Variants in SGCZ observed in about 807,000 individuals in gnomAD.
SGCZ encodes zeta-sarcoglycan.
In SGCZ, 40 loss-of-function variants were observed where a neutral mutation model predicts 41.3. The ratio of observed to expected loss-of-function variants is 0.97; its 90% confidence interval spans 0.75 to 1.26. The LOEUF (loss-of-function observed/expected upper bound fraction) is 1.26. Ranked by LOEUF, SGCZ falls within the 50% of genes most tolerant of loss-of-function variation. The probability of loss-of-function intolerance (pLI) is 0.00; values close to 1 mark genes in which losing one functional copy is unlikely to be tolerated. For missense variants in SGCZ, 552 were observed against 369.8 expected (o/e 1.49, Z -4.04); for synonymous variants, 206 against 137.5 (o/e 1.50, Z -3.49).
intron 1 of SGCZ, among the ~76,000 whole-genome samples, chr8:14,734,733 G>C (rs1235770405): frequency 6.6e-6 from 1 of 151,992 alleles, no homozygotes; most frequent in Non-Finnish European, 1.5e-5. Context: ...TATTAAACAA[G>C]AAAAGCTGTC....
intron 1 of SGCZ, among the ~76,000 whole-genome samples, chr8:14,633,347 T>A (rs1169119135): frequency 6.6e-6 from 1 of 151,952 alleles, no homozygotes; most frequent in Non-Finnish European, 1.5e-5. Context: ...GGGAAGTCAC[T>A]TGCTGCCCTG....
At chr8:15,075,131 ATCTT>A (rs774593593) in intron 1 of SGCZ, among the ~76,000 whole-genome samples, 23,188 of 152,070 alleles carry the variant, frequency 0.15, 1,945 homozygotes, top group Middle Eastern at 0.24. Flanking sequence ...GTAAATAAAC[ATCTT>A]TCTTTATATA....
chr8:14,565,307 C>A (rs1390353906), intron 1 of SGCZ, among the ~76,000 whole-genome samples: 1 of 151,298 alleles, frequency 6.6e-6, no homozygotes, highest in African/African-American at 2.4e-5. Context: ...GATGAAAATG[C>A]AATGACTTTT....
At chr8:14,421,003 C>T (rs1402998970) in intron 2 of SGCZ, among the ~76,000 whole-genome samples, 1 of 152,010 alleles carries the variant, frequency 6.6e-6, no homozygotes, top group Non-Finnish European at 1.5e-5. Flanking sequence ...TTGTAAAGTA[C>T]TTTAAGGACT....
chr8:14,231,173 G>GTGTGTT (rs1234129060), intron 4 of SGCZ, among the ~76,000 whole-genome samples: 1 of 149,484 alleles, frequency 6.7e-6, no homozygotes, highest in Admixed American at 6.7e-5. Context: ...GTGTGTGTGT[G>GTGTGTT]TGTGTGTGTG....
chr8:14,446,603 T>A (rs1332505763), intron 2 of SGCZ, among the ~76,000 whole-genome samples: 1 of 152,198 alleles, frequency 6.6e-6, no homozygotes, highest in Non-Finnish European at 1.5e-5. Flanking sequence ...AATGCTTAAC[T>A]TTTCTCCTTC....
intron 2 of SGCZ, among the ~76,000 whole-genome samples, chr8:14,525,407 T>A (rs527942231): frequency 6.6e-6 from 1 of 152,282 alleles, no homozygotes; most frequent in East Asian, 1.9e-4. Context: ...ATTGAATATT[T>A]CTTTTAAAAA....
Position 14,199,962 on chromosome 8 carries a change from T to C in SGCZ, c.425-35260A>G, listed in dbSNP as rs541859068. On this transcript the variant is annotated intron_variant, in intron 4 of 7. Transcript: ENST00000382080. ...CAAACTACAAAAGTTACAGCCATAG[T>C]GTGTGATAAGTGCTCAATTAAGATG... Among the ~76,000 whole-genome samples the C allele has an allele frequency of 5.9e-5, 9 of 152,280 alleles. No homozygotes were observed. In the South Asian group the frequency reaches 1.7e-3, roughly 28 times the overall value.
intron 1 of SGCZ, among the ~76,000 whole-genome samples, chr8:15,159,068 A>G (rs1799419548): frequency 1.3e-5 from 2 of 152,182 alleles, no homozygotes; most frequent in South Asian, 2.1e-4. Context: ...AGACCAGAAC[A>G]TCTGAAAGAC....
At chr8:15,112,717 G>C (rs1342485580) in intron 1 of SGCZ, among the ~76,000 whole-genome samples, 1 of 152,176 alleles carries the variant, frequency 6.6e-6, no homozygotes, top group Non-Finnish European at 1.5e-5. Context: ...ACATCCTCAA[G>C]TGAGCTCTCA....
chr8:14,483,406 C>T (rs1531424), intron 2 of SGCZ, among the ~76,000 whole-genome samples: 6,011 of 152,154 alleles, frequency 0.04, 300 homozygotes, highest in African/African-American at 0.12. Flanking sequence ...TCCGTCTCTA[C>T]AAACAATTTA....
At chr8:15,024,399 G>T (rs895942084) in intron 1 of SGCZ, among the ~76,000 whole-genome samples, 1 of 152,174 alleles carries the variant, frequency 6.6e-6, no homozygotes, top group Non-Finnish European at 1.5e-5. Context: ...TATTTAGTGA[G>T]AGTTGTGCCT....
chr8:14,305,439 T>A (rs1393111509), intron 3 of SGCZ, among the ~76,000 whole-genome samples: 1 of 152,160 alleles, frequency 6.6e-6, no homozygotes, highest in Non-Finnish European at 1.5e-5. Context: ...GAGGTCTATA[T>A]CTTCAAAAGC....
chr8:15,135,300 A>T (rs971833133), intron 1 of SGCZ, among the ~76,000 whole-genome samples: 1 of 152,188 alleles, frequency 6.6e-6, no homozygotes, highest in Middle Eastern at 3.2e-3. Context: ...TAAATGAACG[A>T]GTCAGAAAAA....
At chr8:14,743,133 A>G (rs891901208) in intron 1 of SGCZ, among the ~76,000 whole-genome samples, 2 of 152,234 alleles carry the variant, frequency 1.3e-5, no homozygotes, top group Admixed American at 1.3e-4. Flanking sequence ...TTTTCTAAAT[A>G]AAGTCATGAT....
chr8:15,137,984 C>G (rs1158556757), intron 1 of SGCZ, among the ~76,000 whole-genome samples: 1 of 152,124 alleles, frequency 6.6e-6, no homozygotes. Context: ...TCAAAGCCAG[C>G]CCATGAAAGC....
chr8:14,208,890 T>C (rs1805705025), intron 4 of SGCZ, among the ~76,000 whole-genome samples: 1 of 152,036 alleles, frequency 6.6e-6, no homozygotes, highest in Non-Finnish European at 1.5e-5. Context: ...CTCAGTAAGG[T>C]TTTCCTTTTA....
At chr8:15,035,237 T>G (rs997849345) in intron 1 of SGCZ, among the ~76,000 whole-genome samples, 2 of 152,180 alleles carry the variant, frequency 1.3e-5, no homozygotes, top group African/African-American at 4.8e-5. Context: ...AAGCATACAG[T>G]GTTTAATGCA....
rs1166188666 is a variant in SGCZ, at chr8:14,925,842, G to A, written c.39+311743C>T. On this transcript the variant is annotated intron_variant, in intron 1 of 7. Coordinates refer to ENST00000382080, the MANE Select transcript of SGCZ (RefSeq NM_139167.4). ...AGAGAAGGAAACTAAGGTCTGATAA[G>A]AAGGGATACCTTGGGAATTTAGAAA... is the stretch of plus-strand genomic sequence containing the variant. Among the ~76,000 whole-genome samples the A allele has an allele frequency of 3.3e-5, 5 of 149,436 alleles. No homozygotes were observed. In the South Asian group the frequency reaches 8.7e-4, roughly 26 times the overall value.
Sources: gnomAD v4.1 joint callset for allele counts (sites outside exome capture counted in the v4.1 genomes callset) on GRCh38, gnomAD v4.1.1 for gene constraint, MANE v1.5 for transcripts, NCBI Gene and HGNC (gene_info 2026-07-23, HGNC 2026-07-21) for gene names.